Variants in LRRC8C observed in about 807,000 individuals in gnomAD.
The protein encoded by LRRC8C is leucine rich repeat containing 8 VRAC subunit C.
A neutral mutation model predicts 55.3 loss-of-function variants in LRRC8C; 20 were observed. The observed-to-expected ratio is 0.36, with a 90% confidence interval of 0.25 to 0.53. The LOEUF is 0.53. LRRC8C is among the 20% of genes least tolerant of loss of function. The pLI is 0.92. For missense variants in LRRC8C, 659 were observed against 951.4 expected (o/e 0.69, Z 4.04); for synonymous variants, 376 against 360.7 (o/e 1.04, Z -0.48).
chr1:89,656,551 A>G (rs1656948955), intron 1 of LRRC8C, among the ~76,000 whole-genome samples: 1 of 152,210 alleles, frequency 6.6e-6, no homozygotes, highest in African/African-American at 2.4e-5. Flanking sequence ...ATGTAATTCA[A>G]GAATTGGGGC....
chr1:89,689,519 G>C (rs925506078), intron 2 of LRRC8C, among the ~76,000 whole-genome samples: 1 of 152,204 alleles, frequency 6.6e-6, no homozygotes, highest in Non-Finnish European at 1.5e-5. Flanking sequence ...TATTTGGAAG[G>C]CTAGTGCAAT....
chr1:89,621,433 C>G, the LRRC8C span, among the ~76,000 whole-genome samples: 1 of 152,140 alleles, frequency 6.6e-6, no homozygotes, highest in East Asian at 1.9e-4. Context: ...CGCCACTGCA[C>G]TCCAGCCTGG....
At chr1:89,631,662 A>G (rs890215717), upstream of LRRC8C, 3 of 151,950 alleles carry the variant, frequency 2.0e-5, no homozygotes, top group Admixed American at 1.3e-4. Context: ...CTCTCTAGGA[A>G]TTTTTCCCAT....
At chr1:89,697,618 A>T (rs1658212325) in intron 2 of LRRC8C, among the ~76,000 whole-genome samples, 1 of 152,236 alleles carries the variant, frequency 6.6e-6, no homozygotes, top group Non-Finnish European at 1.5e-5. Context: ...TTATGTATCC[A>T]TTGAATTTTC....
At chr1:89,686,936 T>C (rs769660291) in intron 2 of LRRC8C, among the ~76,000 whole-genome samples, 11 of 152,224 alleles carry the variant, frequency 7.2e-5, no homozygotes, top group Non-Finnish European at 1.6e-4. Context: ...TCCAGCACCA[T>C]TGATACTGCC....
At position 89,673,091 on chromosome 1, in the gene LRRC8C, T is replaced by C. The variant is rs540022284; in HGVS notation, c.-4-13379T>C. On this transcript the variant is annotated intron_variant, in intron 1 of 2. Transcript: ENST00000370454. ...CTTTGAAGTGTTGGACTTTTAAAAG[T>C]GTTTTTTCTTCTTTCTTCCATACTT... 8.5e-5 allele frequency among the ~76,000 whole-genome samples: 13 copies of C among 152,334 alleles called. No individual in the cohort carries two copies. The East Asian group carries it at 1.5e-3, about 18-fold the overall frequency.
intron 2 of LRRC8C, among the ~76,000 whole-genome samples, chr1:89,708,078 T>A (rs556497178): frequency 2.0e-5 from 3 of 152,248 alleles, no homozygotes; most frequent in South Asian, 2.1e-4. Context: ...CATTTTGATT[T>A]TTTTCTTCAC....
At chr1:89,623,374 C>A in the LRRC8C span, among the ~76,000 whole-genome samples, 162 of 152,300 alleles carry the variant, frequency 1.1e-3, no homozygotes, top group African/African-American at 3.8e-3. Context: ...TACATCACTT[C>A]TAATAGCTCT....
chr1:89,702,650 T>C (rs1658365190), intron 2 of LRRC8C, among the ~76,000 whole-genome samples: 1 of 152,034 alleles, frequency 6.6e-6, no homozygotes, highest in Admixed American at 6.6e-5. Context: ...TAGTCCCAGC[T>C]ACATGGCAGG....
chr1:89,670,161 C>A (rs958506225), intron 1 of LRRC8C, among the ~76,000 whole-genome samples: 1 of 152,074 alleles, frequency 6.6e-6, no homozygotes, highest in Non-Finnish European at 1.5e-5. Flanking sequence ...CAGCTTAGTT[C>A]TTATTATTAA....
chr1:89,650,978 T>C (rs1387908957), intron 1 of LRRC8C, among the ~76,000 whole-genome samples: 2 of 152,154 alleles, frequency 1.3e-5, no homozygotes, highest in African/African-American at 4.8e-5. Context: ...CCATTAGACA[T>C]TGACATTCAA....
At chr1:89,628,115 T>C (rs922252467), upstream of LRRC8C, among the ~76,000 whole-genome samples, 5 of 152,190 alleles carry the variant, frequency 3.3e-5, no homozygotes, top group Non-Finnish European at 7.3e-5. Context: ...CACAAGTTAG[T>C]GGGATCAAAC....
intron 2 of LRRC8C, among the ~76,000 whole-genome samples, chr1:89,698,018 T>A (rs756011505): frequency 6.6e-6 from 1 of 152,234 alleles, no homozygotes; most frequent in Non-Finnish European, 1.5e-5. Context: ...TCGTATTTAC[T>A]AAGCAAAATT....
At chr1:89,669,594 A>G (rs1657362797) in intron 1 of LRRC8C, among the ~76,000 whole-genome samples, 1 of 152,128 alleles carries the variant, frequency 6.6e-6, no homozygotes, top group Non-Finnish European at 1.5e-5. Context: ...ATGCTTCCCC[A>G]GCAATCCTGT....
At chr1:89,667,724 G>A (rs1200687724) in intron 1 of LRRC8C, among the ~76,000 whole-genome samples, 1 of 152,132 alleles carries the variant, frequency 6.6e-6, no homozygotes, top group Non-Finnish European at 1.5e-5. Flanking sequence ...AAACTTTAAA[G>A]TGGTTTGCTA....
At chr1:89,705,260 C>T (rs1232912788) in intron 2 of LRRC8C, among the ~76,000 whole-genome samples, 1 of 110,682 alleles carries the variant, frequency 9.0e-6, no homozygotes. Flanking sequence ...ACATCACACT[C>T]TGGGGACTGT....
chr1:89,685,633 A>G (rs879430427), intron 1 of LRRC8C, among the ~76,000 whole-genome samples: 3 of 152,212 alleles, frequency 2.0e-5, no homozygotes, highest in Non-Finnish European at 2.9e-5. Context: ...AAGAATGAGT[A>G]AGAAAGGAGG....
chr1:89,625,007 C>A, the LRRC8C span: 1 of 152,132 alleles, frequency 6.6e-6, no homozygotes, highest in Non-Finnish European at 1.5e-5. Flanking sequence ...CAATGGACAG[C>A]TGCTTAGAAA....
At chr1:89,622,016 A>G in the LRRC8C span, among the ~76,000 whole-genome samples, 1 of 152,230 alleles carries the variant, frequency 6.6e-6, no homozygotes, top group Non-Finnish European at 1.5e-5. Context: ...AAAACATCGT[A>G]TATGTGAAGA....
Sources: gnomAD v4.1 joint callset for allele counts (sites outside exome capture counted in the v4.1 genomes callset) on GRCh38, gnomAD v4.1.1 for gene constraint, MANE v1.5 for transcripts, NCBI Gene and HGNC (gene_info 2026-07-23, HGNC 2026-07-21) for gene names.